Variants in RPH3A observed in about 807,000 individuals in gnomAD.
RPH3A encodes the protein rabphilin-3A.
RPH3A carries 48 observed loss-of-function variants against 102.2 expected under a neutral mutation model. The ratio of observed to expected loss-of-function variants is 0.47; its 90% CI spans 0.37 to 0.60. The LOEUF (loss-of-function observed/expected upper bound fraction) is 0.60. Ranked by LOEUF, RPH3A falls within the 20% of genes least tolerant of loss-of-function variation. RPH3A has a pLI of 0.00. For missense variants in RPH3A, 781 were observed against 910.1 expected, an observed-to-expected ratio of 0.86 and a Z score of 1.83; for synonymous variants, 310 against 324.3, an observed-to-expected ratio of 0.96 and a Z score of 0.47.
Position 112,791,899 on chromosome 12 carries a change from A to AGAGAGAGAGAGAGAGAGAGG in RPH3A, c.-247_-246insGAGAGAGAGAGAGGGAGAGA, listed in dbSNP as rs1555209151. 2.7e-5 allele frequency: 4 copies of AGAGAGAGAGAGAGAGAGAGG among 150,584 alleles called. No homozygotes were observed. The highest frequency in any genetic ancestry group is 4.4e-5 in the Non-Finnish European group (3 of 67,482). 9.3% of individuals were successfully genotyped at this position (150,584 alleles called of 1,614,324 possible). ...GAGAGAGAGAGAGAGAGAGAGAGAG[A>AGAGAGAGAGAGAGAGAGAGG]GAGAGACTCACAGAGCTAAAACCTT... On this transcript the variant is annotated 5_prime_UTR_variant, in exon 1 of 22. Transcript: ENST00000389385.
intron 1 of RPH3A, among the ~76,000 whole-genome samples, chr12:112,755,840 A>G (rs4767004): frequency 0.033 from 5,048 of 152,258 alleles, 159 homozygotes; most frequent in Admixed American, 0.11. Context: ...AAACTTTTGC[A>G]GTGATTTATT....
chr12:112,812,087 C>T (rs1251826705), intron 2 of RPH3A, among the ~76,000 whole-genome samples: 1 of 151,230 alleles, frequency 6.6e-6, no homozygotes, highest in African/African-American at 2.4e-5. Flanking sequence ...TCTAGGATTG[C>T]AACAAAAGTC....
At chr12:112,859,129 G>A (rs2042465679) in intron 5 of RPH3A, among the ~76,000 whole-genome samples, 1 of 152,180 alleles carries the variant, frequency 6.6e-6, no homozygotes, top group South Asian at 2.1e-4. Context: ...GGCAGCCAAT[G>A]CAGACAGGGT....
intron 2 of RPH3A, among the ~76,000 whole-genome samples, chr12:112,816,000 C>A (rs2041665181): frequency 6.6e-6 from 1 of 152,186 alleles, no homozygotes; most frequent in South Asian, 2.1e-4. Flanking sequence ...GTTTTGTAGA[C>A]ACAGGGCTCA....
At chr12:112,739,439 C>T (rs775522009) in intron 1 of RPH3A, among the ~76,000 whole-genome samples, 3 of 152,168 alleles carry the variant, frequency 2.0e-5, no homozygotes, top group Non-Finnish European at 4.4e-5. Context: ...GGGGTTGGAA[C>T]TCGTGCCTGT....
At chr12:112,744,915 GTTTTCAAAAGCAGGGAAT>G (rs1167913021) in intron 1 of RPH3A, among the ~76,000 whole-genome samples, 1 of 152,172 alleles carries the variant, frequency 6.6e-6, no homozygotes, top group African/African-American at 2.4e-5. Flanking sequence ...CCACAGTTCA[GTTTTCAAAAGCAGGGAAT>G]TTACCATCTC....
At chr12:112,802,083 T>C (rs1277708938) in intron 2 of RPH3A, among the ~76,000 whole-genome samples, 1 of 152,214 alleles carries the variant, frequency 6.6e-6, no homozygotes, top group Non-Finnish European at 1.5e-5. Context: ...TTCTCTGCGC[T>C]GGCCAGCTGG....
intron 1 of RPH3A, among the ~76,000 whole-genome samples, chr12:112,618,717 T>C (rs2039699493): frequency 6.6e-6 from 1 of 152,226 alleles, no homozygotes; most frequent in Non-Finnish European, 1.5e-5. Flanking sequence ...ATAATTCTTA[T>C]ACCATACAAT....
intron 1 of RPH3A, among the ~76,000 whole-genome samples, chr12:112,595,389 A>G (rs2039509622): frequency 2.0e-5 from 3 of 152,204 alleles, no homozygotes; most frequent in African/African-American, 7.2e-5. Flanking sequence ...ATGATAATCA[A>G]TTAGTGACTA....
At chr12:112,702,733 A>G (rs1354701591) in intron 1 of RPH3A, among the ~76,000 whole-genome samples, 2 of 152,230 alleles carry the variant, frequency 1.3e-5, no homozygotes, top group Non-Finnish European at 2.9e-5. Context: ...GAGCCCCCCA[A>G]AAATGTTCTG....
In RPH3A at chr12:112,703,684, G is replaced by A. The variant is rs144963653; in HGVS notation, c.-139-88459G>A. On this transcript the variant is annotated intron_variant, in intron 1 of 21. Transcript: ENST00000543106. Reference sequence around the variant, plus strand: ...CACAGAGGAGCTGAATCAGCAATGGGAATACAGTTTCTTTATCTCCCTGTC... The same window carrying A: ...CACAGAGGAGCTGAATCAGCAATGGAAATACAGTTTCTTTATCTCCCTGTC... Among the ~76,000 whole-genome samples, 33 of 152,266 alleles carry A rather than the reference G, an allele frequency of 2.2e-4. No homozygotes were observed. The East Asian group carries it at 6.2e-3, about 29-fold the overall frequency.
chr12:112,873,358 G>A (rs949595586), intron 10 of RPH3A, among the ~76,000 whole-genome samples: 6 of 152,216 alleles, frequency 3.9e-5, no homozygotes, highest in Admixed American at 1.3e-4. Flanking sequence ...GGCAGTTCAC[G>A]TGCAGAGCCA....
chr12:112,816,657 C>T (rs1310881196), intron 2 of RPH3A, among the ~76,000 whole-genome samples: 4 of 152,138 alleles, frequency 2.6e-5, no homozygotes, highest in African/African-American at 9.7e-5. Flanking sequence ...CTAAAGACAA[C>T]GACGGTACTC....
intron 5 of RPH3A, among the ~76,000 whole-genome samples, chr12:112,862,192 A>T (rs1593096860): frequency 1.3e-5 from 2 of 151,766 alleles, no homozygotes; most frequent in East Asian, 3.9e-4. Flanking sequence ...GGCATGTAAG[A>T]TCGTACCATT....
At chr12:112,875,294 A>C in intron 11 of RPH3A, 124 bp downstream of exon 11, 1 of 732,756 alleles carries the variant, frequency 1.4e-6, no homozygotes, top group East Asian at 2.7e-5. Context: ...ACTAAATCTT[A>C]ACCTCTTCTA....
intron 1 of RPH3A, among the ~76,000 whole-genome samples, chr12:112,677,479 T>TTCCTTCCC (rs2040188152): frequency 1.5e-5 from 2 of 132,036 alleles, no homozygotes; most frequent in Admixed American, 7.7e-5. Context: ...CCTTCCTTCC[T>TTCCTTCCC]TCCTTCCCTC....
At chr12:112,795,738 T>C (rs2041215739) in intron 2 of RPH3A, among the ~76,000 whole-genome samples, 1 of 152,246 alleles carries the variant, frequency 6.6e-6, no homozygotes, top group Admixed American at 6.5e-5. Flanking sequence ...CCTAGCACTT[T>C]CTGATTGTGT....
intron 1 of RPH3A, among the ~76,000 whole-genome samples, chr12:112,722,831 T>C (rs923103915): frequency 6.6e-6 from 1 of 152,218 alleles, no homozygotes; most frequent in Admixed American, 6.5e-5. Flanking sequence ...GGTGACTTTG[T>C]GGGGCTGCCA....
At chr12:112,879,663 G>A (rs866666144) in intron 14 of RPH3A, among the ~76,000 whole-genome samples, 8 of 152,202 alleles carry the variant, frequency 5.3e-5, no homozygotes, top group Middle Eastern at 3.2e-3. Context: ...CCAAGGGGGC[G>A]GGACAGCCTC....
Sources: gnomAD v4.1 joint callset for allele counts (sites outside exome capture counted in the v4.1 genomes callset) on GRCh38, gnomAD v4.1.1 for gene constraint, MANE v1.5 for transcripts, NCBI Gene and HGNC (gene_info 2026-07-23, HGNC 2026-07-21) for gene names.